TENM3: variants seen among roughly 807,000 people sequenced by gnomAD.
The protein encoded by TENM3 is teneurin transmembrane protein 3.
Under a neutral mutation model 255.1 loss-of-function variants are expected in TENM3, and 63 were observed. That is an observed-to-expected ratio of 0.25 (90% CI 0.20 to 0.30). The LOEUF (loss-of-function observed/expected upper bound fraction) is 0.30, where lower values mean the gene tolerates loss of function less well. Among genes scored for constraint, TENM3 ranks in the 10% least tolerant of loss-of-function variants. The pLI, the probability that TENM3 is intolerant of heterozygous loss-of-function variation, is 1.00. For missense variants in TENM3, 2,929 were observed against 3,461.1 expected, an observed-to-expected ratio of 0.85 and a Z score of 3.86; for synonymous variants, 1,306 against 1,322.3, an observed-to-expected ratio of 0.99 and a Z score of 0.27.
At chr4:181,729,983 A>G in the TENM3 span, among the ~76,000 whole-genome samples, 3 of 152,252 alleles carry the variant, frequency 2.0e-5, no homozygotes, top group Middle Eastern at 3.4e-3. Flanking sequence ...TTTATTGGGG[A>G]TATCAGTTTG....
chr4:182,066,771 C>T, the TENM3 span, among the ~76,000 whole-genome samples: 100 of 151,886 alleles, frequency 6.6e-4, no homozygotes, highest in South Asian at 1.5e-3. Flanking sequence ...ATTAGCCGGG[C>T]GTGGTGGCAG....
intron 5 of TENM3, among the ~76,000 whole-genome samples, chr4:182,646,791 TA>T (rs1235849397): frequency 6.6e-6 from 1 of 151,964 alleles, no homozygotes; most frequent in Non-Finnish European, 1.5e-5. Flanking sequence ...GAGATACCCA[TA>T]ACCATTGTGA....
At chr4:181,606,237 G>A in the TENM3 span, among the ~76,000 whole-genome samples, 1 of 152,168 alleles carries the variant, frequency 6.6e-6, no homozygotes, top group African/African-American at 2.4e-5. Context: ...TACTGGAGCA[G>A]CCAAAGGGAC....
the TENM3 span, among the ~76,000 whole-genome samples, chr4:182,054,397 C>T: frequency 2.0e-5 from 3 of 152,242 alleles, no homozygotes; most frequent in East Asian, 5.8e-4. Flanking sequence ...CAACAGCTTA[C>T]GTGAAACAAA....
chr4:182,588,626 A>G (rs1265011910), intron 3 of TENM3, among the ~76,000 whole-genome samples: 1 of 152,210 alleles, frequency 6.6e-6, no homozygotes, highest in Non-Finnish European at 1.5e-5. Context: ...TTACTCTCTC[A>G]GGTAAAATAT....
At chr4:181,588,123 C>T in the TENM3 span, among the ~76,000 whole-genome samples, 9 of 152,152 alleles carry the variant, frequency 5.9e-5, no homozygotes, top group Admixed American at 5.9e-4. Flanking sequence ...CCAAGTTGCC[C>T]AGTGGCCCAC....
chr4:181,687,072 T>C, the TENM3 span, among the ~76,000 whole-genome samples: 2 of 152,184 alleles, frequency 1.3e-5, no homozygotes, highest in Admixed American at 6.6e-5. Context: ...AGCTTACCTA[T>C]AAAATGAGTT....
At chr4:182,201,084 C>T (rs570137846) in intron 1 of TENM3, among the ~76,000 whole-genome samples, 1 of 152,038 alleles carries the variant, frequency 6.6e-6, no homozygotes, top group African/African-American at 2.4e-5. Context: ...CTTGGCCTCC[C>T]AAAGTTCTAG....
At chr4:182,680,923 G>A (rs1756123189) in intron 10 of TENM3, among the ~76,000 whole-genome samples, 186 bp downstream of exon 10, 1 of 152,084 alleles carries the variant, frequency 6.6e-6, no homozygotes, top group Non-Finnish European at 1.5e-5. Flanking sequence ...GCACCAAAGG[G>A]CCCCTTTGCT....
chr4:182,585,510 C>T (rs1032990878), intron 3 of TENM3, among the ~76,000 whole-genome samples: 23 of 152,158 alleles, frequency 1.5e-4, no homozygotes, highest in African/African-American at 5.6e-4. Flanking sequence ...TGCTCTCCTG[C>T]ATTGCTCCCC....
the TENM3 span, among the ~76,000 whole-genome samples, chr4:181,448,190 G>A: frequency 9.5e-6 from 1 of 104,878 alleles, no homozygotes; most frequent in Non-Finnish European, 1.8e-5. Flanking sequence ...TTTTTGAGAC[G>A]GAGTCTCGCT....
the TENM3 span, among the ~76,000 whole-genome samples, chr4:181,974,908 G>A: frequency 2.3e-4 from 35 of 152,228 alleles, no homozygotes; most frequent in Non-Finnish European, 4.7e-4. Flanking sequence ...CATTGTAACC[G>A]ATAGGTAATT....
At chr4:182,627,020 G>A (rs954715806) in intron 4 of TENM3, among the ~76,000 whole-genome samples, 3 of 152,042 alleles carry the variant, frequency 2.0e-5, no homozygotes, top group South Asian at 2.1e-4. Context: ...CCACTCTACC[G>A]ACCTGTATTA....
chr4:182,607,606 C>T (rs185342111), intron 4 of TENM3, among the ~76,000 whole-genome samples: 63 of 152,224 alleles, frequency 4.1e-4, no homozygotes, highest in African/African-American at 1.4e-3. Context: ...AGGTATTGAA[C>T]GCTTTAGAGT....
chr4:182,171,688 A>G (rs1395293545), intron 1 of TENM3, among the ~76,000 whole-genome samples: 1 of 152,230 alleles, frequency 6.6e-6, no homozygotes, highest in East Asian at 1.9e-4. Flanking sequence ...TCCACACCAA[A>G]GACTATGGTT....
the TENM3 span, among the ~76,000 whole-genome samples, chr4:181,894,301 GGCTA>G: frequency 3.5e-4 from 54 of 152,210 alleles, no homozygotes; most frequent in African/African-American, 8.7e-4. Flanking sequence ...ATTACATGAG[GGCTA>G]GCGAGAAAAG....
intron 3 of TENM3, among the ~76,000 whole-genome samples, chr4:182,435,440 A>G (rs1033285556): frequency 2.0e-5 from 3 of 152,212 alleles, no homozygotes; most frequent in African/African-American, 7.2e-5. Flanking sequence ...GATTCCCAAC[A>G]AGCCAACAAG....
intron 3 of TENM3, among the ~76,000 whole-genome samples, chr4:182,452,896 A>T (rs868236617): frequency 6.6e-6 from 1 of 152,168 alleles, no homozygotes; most frequent in Non-Finnish European, 1.5e-5. Context: ...TCATTTTTGC[A>T]TAAGGCCTTT....
the TENM3 span, among the ~76,000 whole-genome samples, chr4:181,968,279 T>A: frequency 6.6e-6 from 1 of 152,188 alleles, no homozygotes; most frequent in South Asian, 2.1e-4. Context: ...GCTTGTGAAT[T>A]ACATGCTTGG....
Sources: gnomAD v4.1 joint callset for allele counts (sites outside exome capture counted in the v4.1 genomes callset) on GRCh38, gnomAD v4.1.1 for gene constraint, MANE v1.5 for transcripts, NCBI Gene and HGNC (gene_info 2026-07-23, HGNC 2026-07-21) for gene names.